The following ICA1 variants were observed in gnomAD, a reference collection of about 807,000 sequenced individuals.
The protein encoded by ICA1 is 69 kDa islet cell autoantigen.
ICA1 carries 40 observed loss-of-function variants against 71.0 expected under a neutral mutation model. The observed-to-expected ratio is 0.56, with a 90% confidence interval of 0.44 to 0.73. The LOEUF is 0.73. Ranked by LOEUF, ICA1 falls within the 30% of genes least tolerant of loss-of-function variation. The pLI is 0.00. For synonymous variants in ICA1, 207 were observed against 209.5 expected (o/e 0.99, Z 0.10); for missense variants, 578 against 576.5 (o/e 1.00, Z -0.03).
intron 12 of ICA1, among the ~76,000 whole-genome samples, chr7:8,129,852 C>T (rs182318894): frequency 1.6e-5 from 2 of 123,902 alleles, no homozygotes; most frequent in South Asian, 3.4e-4. Flanking sequence ...ATCCCTCCCC[C>T]CTCCCCCCAC....
intron 1 of ICA1, among the ~76,000 whole-genome samples, chr7:8,245,275 C>A (rs192148218): frequency 4.9e-4 from 75 of 152,166 alleles, no homozygotes; most frequent in African/African-American, 1.6e-3. Flanking sequence ...ATGGATGAAG[C>A]TGGAAACCAT....
At chr7:8,166,177 C>T (rs907543673) in intron 6 of ICA1, among the ~76,000 whole-genome samples, 4 of 152,000 alleles carry the variant, frequency 2.6e-5, no homozygotes, top group African/African-American at 9.7e-5. Context: ...ACCAGTAAAA[C>T]GTAATTATTA....
At chr7:8,174,868 G>A (rs1287591419) in intron 6 of ICA1, among the ~76,000 whole-genome samples, 2 of 151,748 alleles carry the variant, frequency 1.3e-5, no homozygotes, top group African/African-American at 2.4e-5. Flanking sequence ...CTACCATTGC[G>A]CTGAAGAGAA....
chr7:8,218,711 A>C (rs953912652), intron 5 of ICA1: 24 of 584,824 alleles, frequency 4.1e-5, no homozygotes, highest in African/African-American at 7.5e-5. Context: ...CCCATCCCTT[A>C]GTTTACTGCT....
At chr7:8,239,483 C>T (rs753923110) in intron 1 of ICA1, among the ~76,000 whole-genome samples, 96 of 152,300 alleles carry the variant, frequency 6.3e-4, no homozygotes, top group Admixed American at 1.7e-3. Context: ...GCGTGGCTGA[C>T]GCAGAAGATG....
intron 6 of ICA1, among the ~76,000 whole-genome samples, chr7:8,195,406 G>C (rs560439116): frequency 6.6e-6 from 1 of 152,062 alleles, no homozygotes; most frequent in African/African-American, 2.4e-5. Flanking sequence ...GCCGGGTGTG[G>C]TGGCGCATGC....
At chr7:8,159,919 T>C (rs1409067224) in intron 6 of ICA1, among the ~76,000 whole-genome samples, 1 of 152,144 alleles carries the variant, frequency 6.6e-6, no homozygotes, top group African/African-American at 2.4e-5. Flanking sequence ...TATTAATTTA[T>C]CTCAGATCAT....
chr7:8,181,966 T>A (rs1782315785), intron 6 of ICA1, among the ~76,000 whole-genome samples: 1 of 152,188 alleles, frequency 6.6e-6, no homozygotes, highest in African/African-American at 2.4e-5. Flanking sequence ...TGCTCCTTTA[T>A]GATCTAATTA....
chr7:8,246,433 G>C (rs1287906791), intron 1 of ICA1, among the ~76,000 whole-genome samples: 3 of 152,218 alleles, frequency 2.0e-5, no homozygotes, highest in South Asian at 4.1e-4. Flanking sequence ...GTCTAAGGCA[G>C]AAATATAGGT....
Position 8,124,409 on chromosome 7 carries a change from G to A in ICA1, c.1330+3464C>T, listed in dbSNP as rs556103188. On this transcript the variant is annotated intron_variant, in intron 13 of 13. Transcript: ENST00000402384. ...GCTGGGATTACAGGCATGAGCCACC[G>A]CGCCCAGCCGTGTATAGGTAGATTT... is the stretch of plus-strand genomic sequence containing the variant. Among the ~76,000 whole-genome samples the A allele has an allele frequency of 1.5e-3, 232 of 149,758 alleles. 1 individual carries two copies. In the South Asian group the frequency reaches 0.016, roughly 10 times the overall value.
intron 13 of ICA1, among the ~76,000 whole-genome samples, chr7:8,125,717 G>C (rs1409339696): frequency 1.3e-5 from 2 of 152,224 alleles, no homozygotes; most frequent in African/African-American, 4.8e-5. Context: ...CCAGTGCCTG[G>C]CACACAGTGG....
intron 1 of ICA1, among the ~76,000 whole-genome samples, chr7:8,244,813 C>T (rs531402538): frequency 6.6e-6 from 1 of 152,298 alleles, no homozygotes; most frequent in East Asian, 1.9e-4. Context: ...AAAAAATGCT[C>T]ATCATCATTG....
intron 7 of ICA1, 95 bp from the exon 8 acceptor site, chr7:8,157,309 C>G: frequency 8.5e-7 from 1 of 1,175,028 alleles, no homozygotes; most frequent in Non-Finnish European, 1.2e-6. Context: ...TTTGAAGATT[C>G]TTTAAAGCAT....
In ICA1 at chr7:8,132,488, C is replaced by A. The variant is rs993612079; in HGVS notation, c.1061-4346G>T. Among the ~76,000 whole-genome samples, 1 of 152,206 alleles carries A rather than the reference C, an allele frequency of 6.6e-6. No individual in the cohort carries two copies. Among genetic ancestry groups the A allele is most frequent in the Admixed American group, 6.5e-5 (1 of 15,290 alleles). On this transcript the variant is annotated intron_variant, in intron 12 of 13. Transcript: ENST00000402384. The surrounding 1 kb of genome is among the most constrained non-coding windows in gnomAD (Gnocchi z 4.5). ...GCCTGTAATTAAGTTCCTGCCCCCA[C>A]CCTATACTGAAATAGCTCTCTTGAA...
At chr7:8,178,188 T>C (rs1299324145) in intron 6 of ICA1, among the ~76,000 whole-genome samples, 1 of 151,886 alleles carries the variant, frequency 6.6e-6, no homozygotes, top group Non-Finnish European at 1.5e-5. Context: ...CCCATTGGTG[T>C]CACGTTGTTT....
chr7:8,214,186 C>T (rs144522885), intron 6 of ICA1, among the ~76,000 whole-genome samples: 3 of 152,282 alleles, frequency 2.0e-5, no homozygotes, highest in South Asian at 2.1e-4. Context: ...AGAATAATTA[C>T]CCTCCATCCC....
intron 6 of ICA1, among the ~76,000 whole-genome samples, chr7:8,199,897 A>G (rs1156816693): frequency 1.3e-5 from 2 of 152,182 alleles, no homozygotes; most frequent in Admixed American, 1.3e-4. Flanking sequence ...TAGGATGGTT[A>G]CCAGAGGCTG....
intron 6 of ICA1, among the ~76,000 whole-genome samples, chr7:8,182,992 T>C (rs1012109727): frequency 6.6e-5 from 10 of 152,206 alleles, no homozygotes; most frequent in African/African-American, 2.4e-4. Flanking sequence ...GCAATGACTA[T>C]TTCCATAGTT....
rs1488152632 is a variant in ICA1, at chr7:8,262,102, C to G, written c.-88G>C. ...CCCCGGAGGGCAGGTACCTCGGAGC[C>G]CCGGCCCCCAGGAGCCTCCCGGCCG... On this transcript the variant is annotated 5_prime_UTR_variant, in exon 1 of 14. Transcript: ENST00000402384. The G allele has an allele frequency of 1.3e-5, 2 of 152,242 alleles. No individual in the cohort carries two copies. Among genetic ancestry groups the G allele is most frequent in the Admixed American group, 1.3e-4 (2 of 15,288 alleles). 9.4% of individuals were successfully genotyped at this position (152,242 alleles called of 1,614,324 possible).
Sources: gnomAD v4.1 joint callset for allele counts (sites outside exome capture counted in the v4.1 genomes callset) on GRCh38, gnomAD v4.1.1 for gene constraint, Gnocchi (gnomAD v3.1) non-coding constraint, MANE v1.5 for transcripts, NCBI Gene and HGNC (gene_info 2026-07-23, HGNC 2026-07-21) for gene names.